The following NISCH variants were observed in gnomAD, a reference collection of about 807,000 sequenced individuals.
NISCH encodes nischarin.
Under a neutral mutation model 138.4 loss-of-function variants are expected in NISCH, and 55 were observed. The ratio of observed to expected loss-of-function variants is 0.40; its 90% confidence interval spans 0.32 to 0.50. The LOEUF (loss-of-function observed/expected upper bound fraction) is 0.50. Among genes scored for constraint, NISCH ranks in the 20% least tolerant of loss-of-function variants. The probability of loss-of-function intolerance (pLI) is 0.71; values close to 1 mark genes in which losing one functional copy is unlikely to be tolerated. For synonymous variants in NISCH, 860 were observed against 861.5 expected (o/e 1.00, Z 0.03); for missense variants, 1,643 against 2,005.5 (o/e 0.82, Z 3.45).
At chr3:52,482,277 C>G (rs6800707) in intron 13 of NISCH, among the ~76,000 whole-genome samples, 125,364 of 152,124 alleles carry the variant, frequency 0.82, 51,895 homozygotes, top group East Asian at 0.98. Flanking sequence ...AGAAGGGAGC[C>G]TGCTTGCGAA....
At chr3:52,485,902 TG>T (rs765772120) in intron 15 of NISCH, 75 bp downstream of exon 15, 1 of 1,449,526 alleles carries the variant, frequency 6.9e-7, no homozygotes, top group Non-Finnish European at 9.5e-7. Flanking sequence ...GGGCCAGGGG[TG>T]GCCAGTCAGG....
chr3:52,489,416 C>T lies in NISCH; in HGVS notation c.3194C>T (p.Ala1065Val), dbSNP rs753940058. The change falls in exon 17 of 21, where the codon GCA (alanine) becomes GTA (valine). Residue 1065 changes from alanine (A) to valine (V), a missense_variant. Coordinates refer to ENST00000345716, the MANE Select transcript of NISCH (RefSeq NM_007184.4). Reference protein sequence around the residue: ...PAEVPAPAPAAASASGPAKTP... With the variant: ...PAEVPAPAPAVASASGPAKTP... ...GAAGTCCCAGCTCCAGCCCCTGCAGCAGCCTCAGCCTCAGGCCCAGCGAAG... is the reference window on the plus strand; with the variant it reads ...GAAGTCCCAGCTCCAGCCCCTGCAGTAGCCTCAGCCTCAGGCCCAGCGAAG... 3.7e-6 allele frequency: 6 copies of T among 1,603,186 alleles called. No homozygotes were observed. In the African/African-American group the frequency reaches 6.7e-5, roughly 18 times the overall value.
Position 52,484,494 on chromosome 3 carries a change from C to T in NISCH, c.1529-19C>T. 1 of 1,586,456 alleles carries T rather than the reference C, an allele frequency of 6.3e-7. No individual in the cohort carries two copies. Among genetic ancestry groups the T allele is most frequent in the Non-Finnish European group, 8.6e-7 (1 of 1,164,012 alleles). On this transcript the variant is annotated intron_variant, in intron 13 of 20. Coordinates refer to ENST00000345716, the MANE Select transcript of NISCH (RefSeq NM_007184.4). The stretch of plus-strand genomic sequence containing the variant: ...CCCACCCACCCTGCCTGCCTGCCCA[C>T]CCGCCCTGGTCTCTCCAGGAATCAT...
Position 52,492,642 on chromosome 3 carries a change from C to T in NISCH, c.*160C>T. ...TGTGTGTGTGTTGTGTTAATTCTTT[C>T]TCATGTTGGGAGTGAGAATGCCGGG... is the stretch of plus-strand genomic sequence containing the variant. On this transcript the variant is annotated 3_prime_UTR_variant, in exon 21 of 21. Coordinates refer to ENST00000345716, the MANE Select transcript of NISCH (RefSeq NM_007184.4). 1 of 1,056,568 alleles carries T rather than the reference C, an allele frequency of 9.5e-7. No individual in the cohort carries two copies. Among genetic ancestry groups the T allele is most frequent in the Non-Finnish European group, 1.3e-6 (1 of 757,946 alleles). 65.4% of individuals were successfully genotyped at this position (1,056,568 alleles called of 1,614,324 possible).
At position 52,456,664 on chromosome 3, in the gene NISCH, G is replaced by A. The variant is rs568043915; in HGVS notation, c.93+930G>A. Among the ~76,000 whole-genome samples, 4 of 152,344 alleles carry A rather than the reference G, an allele frequency of 2.6e-5. No homozygotes were observed. In the East Asian group the frequency reaches 7.7e-4, roughly 29 times the overall value. ...CCCTCATCCTAACCTTCCGCTCTGA[G>A]GGCCATTCTTCTGGCTCTTTTCTCC... On this transcript the variant is annotated intron_variant, in intron 1 of 20. Transcript: ENST00000345716.
intron 4 of NISCH, 131 bp from the exon 5 acceptor site, chr3:52,471,683 C>G: frequency 9.5e-7 from 1 of 1,049,562 alleles, no homozygotes; most frequent in Non-Finnish European, 1.4e-6. Context: ...CCTGCATGCC[C>G]AGGGCGCTGG....
Position 52,464,517 on chromosome 3 carries a change from C to CTTTTTTTTT in NISCH, c.360+5690_360+5698dup, listed in dbSNP as rs71084185. 3.0e-4 allele frequency among the ~76,000 whole-genome samples: 23 copies of CTTTTTTTTT among 75,820 alleles called. 2 individuals carry two copies. Among genetic ancestry groups the CTTTTTTTTT allele is most frequent in the East Asian group, 9.6e-4 (2 of 2,084 alleles). The allele number at this position is 75,820 out of a possible 152,430, so 49.7% of individuals were successfully genotyped here. The stretch of plus-strand genomic sequence containing the variant: ...TACTTTTTCACATTCTGTGAGTTGT[C>CTTTTTTTTT]TTTTTTTTTTTTTTTTTTTTTTTTT... On this transcript the variant is annotated intron_variant, in intron 3 of 20. Coordinates refer to ENST00000345716, the MANE Select transcript of NISCH (RefSeq NM_007184.4).
intron 1 of NISCH, among the ~76,000 whole-genome samples, chr3:52,456,340 T>C (rs1706469402): frequency 6.6e-6 from 1 of 152,014 alleles, no homozygotes; most frequent in Non-Finnish European, 1.5e-5. Context: ...GGGGGTGGTC[T>C]CAGTGCTAAA....
chr3:52,468,465 T>C (rs1222165588), intron 3 of NISCH, among the ~76,000 whole-genome samples: 1 of 152,194 alleles, frequency 6.6e-6, no homozygotes, highest in Non-Finnish European at 1.5e-5. Flanking sequence ...AGTACAGATC[T>C]GTAGACGGGG....
Position 52,480,503 on chromosome 3 carries a change from A to G in NISCH, c.1528+208A>G, listed in dbSNP as rs150469670. 1,206 of 1,521,484 alleles carry G rather than the reference A, an allele frequency of 7.9e-4. 17 individuals are homozygous for G. In the East Asian group the frequency reaches 0.027, roughly 34 times the overall value. 94.2% of individuals were successfully genotyped at this position (1,521,484 alleles called of 1,614,324 possible). A position where few individuals can be genotyped will look rare whatever the true frequency, so the allele number is the denominator to read the frequency against. ...GCCAGCTGTTGCTTGCTTGGTGAGG[A>G]CTCCCAATTGCTCTGATGCCCACAT... On this transcript the variant is annotated intron_variant, in intron 13 of 20. Transcript: ENST00000345716.
chr3:52,457,162 A>C (rs984746695), intron 1 of NISCH, among the ~76,000 whole-genome samples: 1 of 152,208 alleles, frequency 6.6e-6, no homozygotes, highest in Non-Finnish European at 1.5e-5. Context: ...TTAGGCTCCA[A>C]GTTACTTATA....
chr3:52,476,958 C>T (rs1707113347), intron 8 of NISCH, among the ~76,000 whole-genome samples: 1 of 152,122 alleles, frequency 6.6e-6, no homozygotes, highest in Non-Finnish European at 1.5e-5. Flanking sequence ...TCGCTTGAAC[C>T]CGGGAGGCGG....
chr3:52,485,503 GA>G (rs1424406246), intron 14 of NISCH, among the ~76,000 whole-genome samples: 1 of 152,222 alleles, frequency 6.6e-6, no homozygotes, highest in Non-Finnish European at 1.5e-5. Flanking sequence ...TCAGATGCTG[GA>G]TCCCTGGAGA....
chr3:52,492,753 T>C lies in NISCH; in HGVS notation c.*271T>C. 2.0e-6 allele frequency: 1 copy of C among 488,574 alleles called. No homozygotes were observed. The highest frequency in any genetic ancestry group is 3.6e-6 in the Non-Finnish European group (1 of 275,656). 30.3% of individuals were successfully genotyped at this position (488,574 alleles called of 1,614,324 possible). A position where few individuals can be genotyped will look rare whatever the true frequency, so the allele number is the denominator to read the frequency against. On this transcript the variant is annotated 3_prime_UTR_variant, in exon 21 of 21. Transcript: ENST00000345716. ...TGTCGTGTCTGCTGTTGTGGGACCGTTGTTAACACGTGACACTGTGGGTCT... is the reference window on the plus strand; with the variant it reads ...TGTCGTGTCTGCTGTTGTGGGACCGCTGTTAACACGTGACACTGTGGGTCT...
chr3:52,481,027 C>T (rs762997751), intron 13 of NISCH: 68 of 1,378,760 alleles, frequency 4.9e-5, no homozygotes, highest in Non-Finnish European at 5.7e-5. Flanking sequence ...CTCCTGGAGA[C>T]GCAGAACTTG....
chr3:52,463,192 A>G (rs1306775658), intron 3 of NISCH, among the ~76,000 whole-genome samples: 1 of 152,198 alleles, frequency 6.6e-6, no homozygotes, highest in Non-Finnish European at 1.5e-5. Flanking sequence ...GACATTTCAT[A>G]TAAATAGAAT....
chr3:52,459,558 C>T (rs942867095), intron 3 of NISCH, among the ~76,000 whole-genome samples: 2 of 152,036 alleles, frequency 1.3e-5, no homozygotes, highest in Non-Finnish European at 2.9e-5. Context: ...CTCAGCCTCC[C>T]GAGTAGCTGG....
intron 2 of NISCH, 92 bp downstream of exon 2, chr3:52,458,018 C>A: frequency 1.1e-6 from 1 of 892,492 alleles, no homozygotes; most frequent in Non-Finnish European, 1.9e-6. Flanking sequence ...TAGGGCAAAA[C>A]AGGTTCCATC....
intron 13 of NISCH, among the ~76,000 whole-genome samples, chr3:52,483,832 C>T (rs1707338078): frequency 6.6e-6 from 1 of 152,236 alleles, no homozygotes; most frequent in Non-Finnish European, 1.5e-5. Context: ...ATTTCAGGCT[C>T]TTGATGGATG....
Sources: allele counts gnomAD v4.1 joint callset (sites outside exome capture counted in the v4.1 genomes callset), GRCh38; gene constraint gnomAD v4.1.1; transcripts MANE v1.5; gene names NCBI Gene and HGNC (gene_info 2026-07-23, HGNC 2026-07-21).